DLC1: variants seen among roughly 807,000 people sequenced by gnomAD.
DLC1 encodes the protein DLC1 Rho GTPase activating protein.
In DLC1, 54 loss-of-function variants were observed where a neutral mutation model predicts 140.3. The ratio of observed to expected loss-of-function variants is 0.38; its 90% CI spans 0.31 to 0.48. The LOEUF (loss-of-function observed/expected upper bound fraction) is 0.48. Ranked by LOEUF, DLC1 falls within the 20% of genes least tolerant of loss-of-function variation. The probability of loss-of-function intolerance (pLI) is 0.96; values close to 1 mark genes in which losing one functional copy is unlikely to be tolerated. For synonymous variants in DLC1, 986 were observed against 728.1 expected (o/e 1.35, Z -5.70); for missense variants, 2,536 against 1,907.0 (o/e 1.33, Z -6.14).
At chr8:13,507,478 C>G (rs1018065670) in intron 1 of DLC1, among the ~76,000 whole-genome samples, 1 of 152,172 alleles carries the variant, frequency 6.6e-6, no homozygotes, top group African/African-American at 2.4e-5. Flanking sequence ...TTAGACAAGA[C>G]TAGAATTAGA....
chr8:13,515,359 A>C (rs1381153683), upstream of DLC1: 2 of 152,224 alleles, frequency 1.3e-5, no homozygotes, highest in African/African-American at 4.8e-5. Context: ...AATCCCAAGC[A>C]TCCAGTTAAT....
Position 13,168,801 on chromosome 8 carries a change from C to G in DLC1, c.1349-53144G>C, listed in dbSNP as rs61136213. On this transcript the variant is annotated intron_variant, in intron 5 of 17. Transcript: ENST00000276297. Reference sequence around the variant, plus strand: ...GTCAAACGGACACACGGGTGACCTTCTCGTTGCTATATCTATCTGTGTTCC... The same window carrying G: ...GTCAAACGGACACACGGGTGACCTTGTCGTTGCTATATCTATCTGTGTTCC... Among the ~76,000 whole-genome samples the G allele has an allele frequency of 2.3e-3, 352 of 152,320 alleles. 6 individuals carry two copies. Among genetic ancestry groups the G allele is most frequent in the African/African-American group, 8.0e-3 (331 of 41,566 alleles).
At chr8:13,489,424 C>CACACACAA (rs1221102073) in intron 2 of DLC1, among the ~76,000 whole-genome samples, 1 of 146,720 alleles carries the variant, frequency 6.8e-6, no homozygotes, top group African/African-American at 2.5e-5. Context: ...CACACACACA[C>CACACACAA]ACACACACAC....
chr8:13,092,607 C>T lies in DLC1; in HGVS notation c.3740+5G>A, dbSNP rs774751541. 1.1e-4 allele frequency: 177 copies of T among 1,613,636 alleles called. No individual in the cohort carries two copies. The highest frequency in any genetic ancestry group is 1.4e-4 in the Non-Finnish European group (164 of 1,179,920). Reference sequence around the variant, plus strand: ...GTGTGCATGCACCTCCCATGCAGCCCGTACCTGGGAGAGGAATTCTCTCTC... The same window carrying T: ...GTGTGCATGCACCTCCCATGCAGCCTGTACCTGGGAGAGGAATTCTCTCTC... On this transcript the variant is annotated splice_donor_5th_base_variant and intron_variant, in intron 13 of 17. Transcript: ENST00000276297.
intron 7 of DLC1, among the ~76,000 whole-genome samples, chr8:13,106,193 T>C (rs1202874533): frequency 6.6e-6 from 1 of 152,106 alleles, no homozygotes; most frequent in Non-Finnish European, 1.5e-5. Context: ...CTGGGCCCCA[T>C]TGTATTAAAA....
At chr8:13,121,480 T>TG (rs1821060853) in intron 5 of DLC1, among the ~76,000 whole-genome samples, 1 of 152,046 alleles carries the variant, frequency 6.6e-6, no homozygotes, top group African/African-American at 2.4e-5. Context: ...CACAAATACT[T>TG]GTAGTAAGGT....
intron 4 of DLC1, among the ~76,000 whole-genome samples, chr8:13,352,387 T>C (rs1834717259): frequency 6.6e-6 from 1 of 152,094 alleles, no homozygotes; most frequent in Non-Finnish European, 1.5e-5. Context: ...CGAGATGGGG[T>C]CTTTCTTTCT....
chr8:13,232,582 C>T (rs569186434), intron 5 of DLC1, among the ~76,000 whole-genome samples: 12 of 152,308 alleles, frequency 7.9e-5, no homozygotes, highest in Admixed American at 3.9e-4. Flanking sequence ...CCACTTGCCT[C>T]GGCCTCCCAA....
intron 1 of DLC1, among the ~76,000 whole-genome samples, chr8:13,553,571 C>CA (rs1352005988): frequency 4.6e-5 from 7 of 151,846 alleles, no homozygotes; most frequent in African/African-American, 1.5e-4. Context: ...AAGCTGGTCT[C>CA]AAACTCCTGG....
chr8:13,581,106 C>G (rs569942777), intron 1 of DLC1, among the ~76,000 whole-genome samples: 2 of 152,346 alleles, frequency 1.3e-5, no homozygotes, highest in East Asian at 3.9e-4. Context: ...TTACTAATCT[C>G]TCAACTCTTT....
intron 7 of DLC1, among the ~76,000 whole-genome samples, chr8:13,109,841 C>T (rs569657422): frequency 7.4e-5 from 11 of 149,654 alleles, no homozygotes; most frequent in African/African-American, 2.2e-4. Context: ...GCCGAGACCA[C>T]GCCACTGCAC....
chr8:13,236,343 C>T lies in DLC1; in HGVS notation c.1348+68926G>A, dbSNP rs575333645. On this transcript the variant is annotated intron_variant, in intron 5 of 17. Coordinates refer to ENST00000276297, the MANE Select transcript of DLC1 (RefSeq NM_182643.3). The stretch of plus-strand genomic sequence containing the variant: ...ATCTTAGTTCAAGTTGATTATCTGA[C>T]GTCAGTGAATAGCGCTATTGTACTT... Among the ~76,000 whole-genome samples, 22 of 152,116 alleles carry T rather than the reference C, an allele frequency of 1.4e-4. 1 individual carries two copies. In the South Asian group the frequency reaches 4.2e-3, roughly 29 times the overall value.
At chr8:13,427,011 C>T (rs934732984) in intron 2 of DLC1, among the ~76,000 whole-genome samples, 2 of 152,088 alleles carry the variant, frequency 1.3e-5, no homozygotes, top group African/African-American at 4.8e-5. Flanking sequence ...GCAGGTGTGG[C>T]CCATTTTTCA....
intron 5 of DLC1, among the ~76,000 whole-genome samples, chr8:13,263,310 C>G (rs567352220): frequency 6.6e-6 from 1 of 152,174 alleles, no homozygotes; most frequent in South Asian, 2.1e-4. Context: ...TTTTCTAATT[C>G]TCAGATGGTC....
chr8:13,567,060 G>C, intron 1 of DLC1: 3 of 1,551,730 alleles, frequency 1.9e-6, no homozygotes, highest in Non-Finnish European at 2.6e-6. Flanking sequence ...ATGAGACTGA[G>C]ACTTTGAAGA....
intron 5 of DLC1, among the ~76,000 whole-genome samples, chr8:13,171,378 C>T (rs532297348): frequency 6.6e-6 from 1 of 152,204 alleles, no homozygotes; most frequent in Non-Finnish European, 1.5e-5. Context: ...TCTGTAGGTG[C>T]CCTACTTCCT....
intron 5 of DLC1, among the ~76,000 whole-genome samples, chr8:13,260,632 A>G (rs59603652): frequency 0.13 from 18,905 of 150,820 alleles, 1,250 homozygotes; most frequent in South Asian, 0.24. Context: ...GAGGAAAGAA[A>G]AAGAAAGGAA....
At chr8:13,485,133 A>G (rs1800909204) in intron 2 of DLC1, among the ~76,000 whole-genome samples, 1 of 152,112 alleles carries the variant, frequency 6.6e-6, no homozygotes, top group African/African-American at 2.4e-5. Context: ...ATGGCTTCGT[A>G]GCTCCTTTAT....
intron 4 of DLC1, among the ~76,000 whole-genome samples, chr8:13,348,061 C>G (rs1834439988): frequency 6.6e-6 from 1 of 151,076 alleles, no homozygotes; most frequent in African/African-American, 2.4e-5. Context: ...TGCACTCCAG[C>G]CTGGGCGACA....
Sources: allele counts gnomAD v4.1 joint callset (sites outside exome capture counted in the v4.1 genomes callset), GRCh38; gene constraint gnomAD v4.1.1; transcripts MANE v1.5; gene names NCBI Gene and HGNC (gene_info 2026-07-23, HGNC 2026-07-21).